LDLRAD4: variants seen among roughly 807,000 people sequenced by gnomAD.
The protein encoded by LDLRAD4 is low-density lipoprotein receptor class A domain-containing protein 4.
A neutral mutation model predicts 17.0 loss-of-function variants in LDLRAD4; 5 were observed. The ratio of observed to expected loss-of-function variants is 0.29; its 90% CI spans 0.15 to 0.62. The LOEUF (loss-of-function observed/expected upper bound fraction) is 0.62. Ranked by LOEUF, LDLRAD4 falls within the 20% of genes least tolerant of loss-of-function variation. The pLI is 0.84. For synonymous variants in LDLRAD4, 168 were observed against 171.8 expected (o/e 0.98, Z 0.17); for missense variants, 340 against 424.7 (o/e 0.80, Z 1.75).
At chr18:13,594,629 AT>A (rs1435246944) in intron 3 of LDLRAD4, among the ~76,000 whole-genome samples, 1 of 132,102 alleles carries the variant, frequency 7.6e-6, no homozygotes, top group African/African-American at 2.8e-5. Flanking sequence ...TCATGCCACT[AT>A]GCTCCAGCCT....
intron 3 of LDLRAD4, among the ~76,000 whole-genome samples, chr18:13,524,633 T>C (rs1175211865): frequency 6.6e-6 from 1 of 152,208 alleles, no homozygotes; most frequent in Non-Finnish European, 1.5e-5. Context: ...TTATTATGAA[T>C]AGCTCACTAA....
At chr18:13,475,177 C>T (rs1374571204) in intron 3 of LDLRAD4, among the ~76,000 whole-genome samples, 2 of 152,212 alleles carry the variant, frequency 1.3e-5, no homozygotes, top group East Asian at 3.8e-4. Context: ...ACTTTCCTCA[C>T]TAGATCTTTT....
At chr18:13,428,388 G>A (rs567993430) in intron 2 of LDLRAD4, among the ~76,000 whole-genome samples, 4 of 152,324 alleles carry the variant, frequency 2.6e-5, no homozygotes, top group African/African-American at 7.2e-5. Context: ...GAGCAGCGAG[G>A]AGGCCAGGCA....
chr18:13,648,547 G>A (rs1230639534), exon 6 of LDLRAD4: 2 of 152,274 alleles, frequency 1.3e-5, no homozygotes, highest in East Asian at 3.9e-4. Flanking sequence ...ATACCGTGTC[G>A]CCTCATGGCT....
chr18:13,296,126 C>T (rs9958305), intron 1 of LDLRAD4, among the ~76,000 whole-genome samples: 7 of 152,258 alleles, frequency 4.6e-5, no homozygotes, highest in East Asian at 1.9e-4. Context: ...CGCGGTTTCA[C>T]GAGTGCTGTG....
At chr18:13,566,395 G>A (rs1361220257) in intron 3 of LDLRAD4, among the ~76,000 whole-genome samples, 3 of 142,186 alleles carry the variant, frequency 2.1e-5, no homozygotes, top group South Asian at 2.2e-4. Flanking sequence ...ACAGAGTCTC[G>A]CTCTGTTGCC....
At chr18:13,459,724 T>G (rs1294874282) in intron 3 of LDLRAD4, among the ~76,000 whole-genome samples, 1 of 152,194 alleles carries the variant, frequency 6.6e-6, no homozygotes, top group Non-Finnish European at 1.5e-5. Flanking sequence ...TAGCTTGTTA[T>G]AGCAGCAATA....
At chr18:13,571,400 G>A (rs1415957318) in intron 3 of LDLRAD4, among the ~76,000 whole-genome samples, 2 of 152,106 alleles carry the variant, frequency 1.3e-5, no homozygotes, top group Admixed American at 6.6e-5. Context: ...CCCTGTTTCT[G>A]CCATCTCCGT....
intron 3 of LDLRAD4, among the ~76,000 whole-genome samples, chr18:13,572,313 C>T (rs1378495260): frequency 6.6e-6 from 1 of 152,224 alleles, no homozygotes; most frequent in Non-Finnish European, 1.5e-5. Flanking sequence ...CCCTGGCCCC[C>T]TTTGCAGCCG....
At chr18:13,371,675 G>C (rs2084523719) in intron 1 of LDLRAD4, among the ~76,000 whole-genome samples, 1 of 152,072 alleles carries the variant, frequency 6.6e-6, no homozygotes, top group South Asian at 2.1e-4. Context: ...TGAGGCAGGA[G>C]AATCGCCTGA....
chr18:13,308,528 C>T (rs2047045132), intron 1 of LDLRAD4, among the ~76,000 whole-genome samples: 1 of 152,168 alleles, frequency 6.6e-6, no homozygotes, highest in Non-Finnish European at 1.5e-5. Context: ...CTCTGAGGCG[C>T]GATTGTGTGA....
exon 6 of LDLRAD4, chr18:13,647,326 C>T (rs1271829322): frequency 6.6e-6 from 1 of 152,150 alleles, no homozygotes; most frequent in African/African-American, 2.4e-5. Flanking sequence ...GAGCAGCAGC[C>T]AACACGTTTA....
intron 1 of LDLRAD4, among the ~76,000 whole-genome samples, chr18:13,326,864 G>A (rs899708105): frequency 1.3e-5 from 2 of 152,076 alleles, no homozygotes; most frequent in Non-Finnish European, 2.9e-5. Flanking sequence ...CGCCTCCCAA[G>A]TTCACACCAT....
At chr18:13,505,694 T>A (rs1394247383) in intron 3 of LDLRAD4, among the ~76,000 whole-genome samples, 1 of 152,024 alleles carries the variant, frequency 6.6e-6, no homozygotes, top group African/African-American at 2.4e-5. Flanking sequence ...GGTGGGCACC[T>A]GTAGTCGCAG....
At chr18:13,346,168 T>C (rs972075247) in intron 1 of LDLRAD4, among the ~76,000 whole-genome samples, 1 of 152,234 alleles carries the variant, frequency 6.6e-6, no homozygotes, top group Non-Finnish European at 1.5e-5. Flanking sequence ...TCAGTTGTGA[T>C]GTTTGGGTGT....
intron 2 of LDLRAD4, among the ~76,000 whole-genome samples, chr18:13,401,582 C>A (rs532904209): frequency 6.6e-6 from 1 of 152,130 alleles, no homozygotes; most frequent in Non-Finnish European, 1.5e-5. Flanking sequence ...TCACCCACCC[C>A]GTAGTGGAGA....
intron 1 of LDLRAD4, among the ~76,000 whole-genome samples, chr18:13,337,691 G>C (rs1310366730): frequency 3.4e-5 from 5 of 147,756 alleles, no homozygotes; most frequent in African/African-American, 7.6e-5. Context: ...AAGCCAAGGA[G>C]TTCAAGACCA....
chr18:13,553,648 T>C (rs913514943), intron 3 of LDLRAD4, among the ~76,000 whole-genome samples: 11 of 152,252 alleles, frequency 7.2e-5, no homozygotes, highest in Admixed American at 7.2e-4. Flanking sequence ...TTTAGTTTTC[T>C]GACACCTTTA....
In LDLRAD4 at chr18:13,502,054, C is replaced by T. The variant is rs540229954; in HGVS notation, c.181+63670C>T. On this transcript the variant is annotated intron_variant, in intron 3 of 5. Transcript: ENST00000359446. The stretch of plus-strand genomic sequence containing the variant: ...GGGGAGAAAGTGACATCTTGTGTAA[C>T]GCTGCAAATTCGCGGAAGGCTTTGA... Among the ~76,000 whole-genome samples the T allele has an allele frequency of 9.2e-5, 14 of 152,182 alleles. No homozygotes were observed. The South Asian group carries it at 1.7e-3, about 18-fold the overall frequency.
Sources: gnomAD v4.1 joint callset for allele counts (sites outside exome capture counted in the v4.1 genomes callset) on GRCh38, gnomAD v4.1.1 for gene constraint, MANE v1.5 for transcripts, NCBI Gene and HGNC (gene_info 2026-07-23, HGNC 2026-07-21) for gene names.